C9orf43: variants seen among roughly 807,000 people sequenced by gnomAD.
C9orf43 encodes uncharacterized protein C9orf43.
Under a neutral mutation model 59.1 loss-of-function variants are expected in C9orf43, and 45 were observed. The observed-to-expected ratio is 0.76, with a 90% CI of 0.60 to 0.98. The LOEUF (loss-of-function observed/expected upper bound fraction) is 0.98. C9orf43 is among the 50% of genes least tolerant of loss of function. The probability of loss-of-function intolerance (pLI) is 0.00; values close to 1 mark genes in which losing one functional copy is unlikely to be tolerated. For synonymous variants in C9orf43, 203 were observed against 196.8 expected (o/e 1.03, Z -0.26); for missense variants, 533 against 554.9 (o/e 0.96, Z 0.40).
At chr9:113,420,744 A>G (rs1413373511) in intron 4 of C9orf43, 3 of 985,172 alleles carry the variant, frequency 3.0e-6, no homozygotes, top group Admixed American at 6.2e-5. Context: ...CAAACTGCAG[A>G]TTGTAATGTC....
chr9:113,411,506 A>C (rs1308934381), intron 1 of C9orf43, among the ~76,000 whole-genome samples: 1 of 151,722 alleles, frequency 6.6e-6, no homozygotes, highest in Admixed American at 6.6e-5. Context: ...TCACCGTGTT[A>C]GCCAAGATGG....
intron 4 of C9orf43, chr9:113,420,860 T>C: frequency 1.2e-6 from 1 of 832,326 alleles, no homozygotes; most frequent in Non-Finnish European, 1.4e-6. Context: ...TGCTAAATGC[T>C]ACCCTAATGG....
At chr9:113,421,299 A>C in intron 5 of C9orf43, 96 bp downstream of exon 5, 2 of 856,826 alleles carry the variant, frequency 2.3e-6, no homozygotes, top group Non-Finnish European at 3.9e-6. Flanking sequence ...TAGCCAGCTC[A>C]TTGCAAGTAG....
At position 113,413,411 on chromosome 9, in the gene C9orf43, A is replaced by G. The variant is rs540386399; in HGVS notation, c.-49-34A>G. The G allele has an allele frequency of 9.5e-5, 145 of 1,521,994 alleles. 1 individual carries two copies. The highest frequency in any genetic ancestry group is 2.3e-5 in the Non-Finnish European group (26 of 1,128,282). The allele number at this position is 1,521,994 out of a possible 1,614,324, so 94.3% of individuals were successfully genotyped here. A position where few individuals can be genotyped will look rare whatever the true frequency, so the allele number is the denominator to read the frequency against. On this transcript the variant is annotated intron_variant, in intron 1 of 13. Coordinates refer to ENST00000374165, the MANE Select transcript of C9orf43 (RefSeq NM_001278629.2). ...ATCTGGACTGTATGGCTAATGTATA[A>G]TACTCCCTAATTATGTAGCTGTTGA...
intron 1 of C9orf43, among the ~76,000 whole-genome samples, chr9:113,411,771 C>T (rs1184853072): frequency 2.0e-5 from 3 of 152,164 alleles, no homozygotes; most frequent in East Asian, 3.9e-4. Flanking sequence ...CTCGACCTCC[C>T]TGGCTCAGGT....
intron 11 of C9orf43, among the ~76,000 whole-genome samples, chr9:113,426,096 C>A (rs1828783014): frequency 6.6e-6 from 1 of 152,176 alleles, no homozygotes; most frequent in Admixed American, 6.5e-5. Flanking sequence ...TCCAATGAGG[C>A]AGGGAGAGCT....
chr9:113,424,018 A>C (rs1197154752), intron 7 of C9orf43, 148 bp from the exon 8 acceptor site: 1 of 814,276 alleles, frequency 1.2e-6, no homozygotes, highest in Non-Finnish European at 1.9e-6. Context: ...TTGCATCAGA[A>C]AAGTGTTACC....
chr9:113,414,988 T>C (rs1828307239), intron 3 of C9orf43, among the ~76,000 whole-genome samples: 2 of 152,130 alleles, frequency 1.3e-5, no homozygotes, highest in Admixed American at 1.3e-4. Context: ...TGCACCACCA[T>C]GCGTGGCTGA....
chr9:113,419,309 C>A (rs1828485557), intron 4 of C9orf43, 144 bp downstream of exon 4: 6 of 631,634 alleles, frequency 9.5e-6, no homozygotes, highest in Non-Finnish European at 1.6e-5. Flanking sequence ...ATATTGGGCC[C>A]TTCCTGTATG....
chr9:113,425,173 C>T (rs572786124), intron 9 of C9orf43, 97 bp downstream of exon 9: 4 of 1,455,578 alleles, frequency 2.7e-6, no homozygotes, highest in Non-Finnish European at 3.9e-6. Context: ...TATTTGTGGC[C>T]ACAGTCATAC....
chr9:113,410,876 C>A lies in C9orf43; in HGVS notation c.-175C>A. ...TGCTTTGCTCTCACAGGACCTCAGC[C>A]CGTCGTGATCAGATTCTCCCACTTT... is the stretch of plus-strand genomic sequence containing the variant. On this transcript the variant is annotated 5_prime_UTR_variant, in exon 1 of 14. Transcript: ENST00000374165. The A allele has an allele frequency of 1.1e-6, 1 of 902,934 alleles. No homozygotes were observed. The highest frequency in any genetic ancestry group is 5.0e-5 in the South Asian group (1 of 20,100). 55.9% of individuals were successfully genotyped at this position (902,934 alleles called of 1,614,324 possible).
chr9:113,410,753 C>T lies in C9orf43; in HGVS notation c.-298C>T, dbSNP rs565742238. 3.1e-4 allele frequency: 62 copies of T among 203,082 alleles called. No homozygotes were observed. Among genetic ancestry groups the T allele is most frequent in the African/African-American group, 1.4e-3 (60 of 42,862 alleles). The allele number at this position is 203,082 out of a possible 1,614,324, so 12.6% of individuals were successfully genotyped here. On this transcript the variant is annotated 5_prime_UTR_variant, in exon 1 of 14. Coordinates refer to ENST00000374165, the MANE Select transcript of C9orf43 (RefSeq NM_001278629.2). ...CGGCGGGGCGGATCCCTTTAGGACC[C>T]GAGGCAGGCTCTGGGCCCGCCGGGT...
intron 3 of C9orf43, among the ~76,000 whole-genome samples, chr9:113,414,779 G>A (rs1828298802): frequency 6.6e-6 from 1 of 152,142 alleles, no homozygotes; most frequent in Non-Finnish European, 1.5e-5. Flanking sequence ...ATGAATTTTG[G>A]GAGGACACAA....
Position 113,424,296 on chromosome 9 carries a change from A to G in C9orf43, c.787A>G (p.Ile263Val), listed in dbSNP as rs1156708030. 5 of 1,612,734 alleles carry G rather than the reference A, an allele frequency of 3.1e-6. No individual in the cohort carries two copies. The highest frequency in any genetic ancestry group is 1.7e-5 in the Admixed American group (1 of 59,726). ...SVISSKMFLS[I>V]HRLTLERPAL... ...GATTTCTTCTAAGATGTTTCTATCT[A>G]TACACCGCCTCACCCTGGAAGTAAG... Residue 263 changes from isoleucine (I) to valine (V), a missense_variant, in exon 8 of 14, where the codon ATA becomes GTA. Coordinates refer to ENST00000374165, the MANE Select transcript of C9orf43 (RefSeq NM_001278629.2).
At chr9:113,423,602 C>T in intron 7 of C9orf43, 104 bp downstream of exon 7, 3 of 1,087,230 alleles carry the variant, frequency 2.8e-6, no homozygotes, top group Non-Finnish European at 4.0e-6. Flanking sequence ...TGGGAGAAAA[C>T]TATCACCCCG....
At position 113,425,406 on chromosome 9, in the gene C9orf43, C is replaced by G; in HGVS notation, c.928C>G (p.Pro310Ala). ...GCAGCAACAGAAGAAGGTGAAAACA[C>G]CTATTAAGAAACAGGTAGAGTGGCA... ...QQQQQKKVKT[P>A]IKKQEAKKKA... is the part of the protein sequence containing the mutation. Residue 310 changes from proline to alanine, a missense_variant, in exon 10 of 14, where the codon CCT becomes GCT. Physicochemically the swap from Pro to Ala is conservative, Grantham distance 27. Transcript: ENST00000374165. 1 of 1,613,808 alleles carries G rather than the reference C, an allele frequency of 6.2e-7. No homozygotes were observed. The highest frequency in any genetic ancestry group is 1.1e-5 in the South Asian group (1 of 91,068).
intron 11 of C9orf43, 149 bp downstream of exon 11, chr9:113,425,879 C>G (rs1828773306): frequency 1.5e-6 from 1 of 650,100 alleles, no homozygotes; most frequent in Non-Finnish European, 2.7e-6. Context: ...TCTGTCTGGT[C>G]TCTCATGCAC....
At chr9:113,416,057 T>A (rs2119063743) in intron 3 of C9orf43, among the ~76,000 whole-genome samples, 1 of 152,312 alleles carries the variant, frequency 6.6e-6, no homozygotes, top group Admixed American at 6.5e-5. Flanking sequence ...GAGAGCTGCC[T>A]CCTCTAGTCA....
At chr9:113,417,808 T>A (rs1322331604) in intron 3 of C9orf43, among the ~76,000 whole-genome samples, 1 of 151,828 alleles carries the variant, frequency 6.6e-6, no homozygotes, top group Non-Finnish European at 1.5e-5. Context: ...AATGGAAGAG[T>A]GGTCAGAGAT....
Sources: gnomAD v4.1 joint callset for allele counts (sites outside exome capture counted in the v4.1 genomes callset) on GRCh38, gnomAD v4.1.1 for gene constraint, MANE v1.5 for transcripts, NCBI Gene and HGNC (gene_info 2026-07-23, HGNC 2026-07-21) for gene names.